SKAP2: variants seen among roughly 807,000 people sequenced by gnomAD.
The protein encoded by SKAP2 is src kinase associated phosphoprotein 2.
A neutral mutation model predicts 54.9 loss-of-function variants in SKAP2; 28 were observed. The observed-to-expected ratio is 0.51, with a 90% CI of 0.38 to 0.70. The LOEUF (loss-of-function observed/expected upper bound fraction) is 0.70, where lower values mean the gene tolerates loss of function less well. Among genes scored for constraint, SKAP2 ranks in the 30% least tolerant of loss-of-function variants. SKAP2 has a pLI of 0.00. For synonymous variants in SKAP2, 137 were observed against 134.3 expected (o/e 1.02, Z -0.14); for missense variants, 356 against 424.1 (o/e 0.84, Z 1.41).
At chr7:26,684,713 G>T in intron 11 of SKAP2, 23 bp downstream of exon 11, 5 of 1,458,554 alleles carry the variant, frequency 3.4e-6, no homozygotes, top group Non-Finnish European at 4.8e-6. Context: ...CTTTACAAAC[G>T]TCATTTTGGG....
chr7:26,762,460 T>C (rs1294047291), intron 4 of SKAP2, among the ~76,000 whole-genome samples: 1 of 152,164 alleles, frequency 6.6e-6, no homozygotes, highest in Admixed American at 6.5e-5. Context: ...GTAAAATGTA[T>C]GCATATGTAC....
intron 4 of SKAP2, among the ~76,000 whole-genome samples, chr7:26,793,313 T>A (rs1783707092): frequency 1.3e-5 from 2 of 152,338 alleles, no homozygotes; most frequent in South Asian, 4.1e-4. Context: ...GGCCCTTTCC[T>A]TAACCCTATG....
chr7:26,761,726 C>G lies in SKAP2; in HGVS notation c.308-21762G>C, dbSNP rs574018539. Among the ~76,000 whole-genome samples the G allele has an allele frequency of 1.2e-4, 18 of 152,230 alleles. No individual in the cohort carries two copies. The South Asian group carries it at 3.7e-3, about 32-fold the overall frequency. On this transcript the variant is annotated intron_variant, in intron 4 of 12. Transcript: ENST00000345317. Reference sequence around the variant, plus strand: ...CCGGCCTGGGCAACATGGGGAAACCCTGTCTCTACTAAAAATAGAAAAAAT... The same window carrying G: ...CCGGCCTGGGCAACATGGGGAAACCGTGTCTCTACTAAAAATAGAAAAAAT...
chr7:26,730,746 G>A lies in SKAP2; in HGVS notation c.470-3740C>T, dbSNP rs1022284878. Among the ~76,000 whole-genome samples, 5 of 152,106 alleles carry A rather than the reference G, an allele frequency of 3.3e-5. No individual in the cohort carries two copies. The South Asian group carries it at 1.0e-3, about 31-fold the overall frequency. On this transcript the variant is annotated intron_variant, in intron 6 of 12. Transcript: ENST00000345317. ...CTTAATTTTACACAATCCTAATTCA[G>A]CAGGTTCAAGGTAAAAAGCAGTTGG...
chr7:26,772,421 C>T (rs1475921347), intron 4 of SKAP2, among the ~76,000 whole-genome samples: 1 of 152,152 alleles, frequency 6.6e-6, no homozygotes, highest in Non-Finnish European at 1.5e-5. Context: ...CTCCTGTTCT[C>T]ATCTCTGTGT....
In SKAP2 at chr7:26,700,162, T is replaced by C. The variant is rs1027341903; in HGVS notation, c.797-9800A>G. ...AGCCCTAAGGTATTCATAAAATCAA[T>C]TAATTAGCACTCTTTGGACACAGCT... On this transcript the variant is annotated intron_variant, in intron 9 of 12. Transcript: ENST00000345317. 5.6e-4 allele frequency among the ~76,000 whole-genome samples: 86 copies of C among 152,304 alleles called. 1 individual carries two copies. Among genetic ancestry groups the C allele is most frequent in the Non-Finnish European group, 2.9e-5 (2 of 68,024 alleles).
At chr7:26,710,820 T>C (rs1787284510) in intron 9 of SKAP2, among the ~76,000 whole-genome samples, 1 of 152,172 alleles carries the variant, frequency 6.6e-6, no homozygotes, top group African/African-American at 2.4e-5. Context: ...GAAAAATTAT[T>C]AACCGGTTTA....
chr7:26,723,362 T>C (rs1787619864), intron 9 of SKAP2, among the ~76,000 whole-genome samples: 1 of 152,140 alleles, frequency 6.6e-6, no homozygotes, highest in African/African-American at 2.4e-5. Context: ...CACAGCTGCC[T>C]ACAACGGCTT....
intron 9 of SKAP2, among the ~76,000 whole-genome samples, chr7:26,693,264 G>A (rs1446863918): frequency 2.7e-5 from 4 of 150,870 alleles, no homozygotes; most frequent in East Asian, 2.0e-4. Context: ...CCTGGGAGGC[G>A]GAGGTTGCAA....
chr7:26,855,208 A>ATGGTGC, intron 1 of SKAP2: 1 of 172,308 alleles, frequency 5.8e-6, no homozygotes, highest in Non-Finnish European at 1.2e-5. Flanking sequence ...CATAAAACAA[A>ATGGTGC]TTCTTTATAT....
chr7:26,687,048 A>G (rs191574758), intron 10 of SKAP2, among the ~76,000 whole-genome samples: 2 of 152,046 alleles, frequency 1.3e-5, no homozygotes, highest in South Asian at 2.1e-4. Context: ...ATTCTCTTAC[A>G]ATAGTTTTTA....
intron 11 of SKAP2, among the ~76,000 whole-genome samples, chr7:26,682,734 T>C (rs1786531264): frequency 6.6e-6 from 1 of 152,210 alleles, no homozygotes; most frequent in Non-Finnish European, 1.5e-5. Flanking sequence ...AAGTATGTGC[T>C]TCCCATGGGC....
downstream of SKAP2, among the ~76,000 whole-genome samples, chr7:26,665,578 AAT>A (rs1357552930): frequency 6.6e-6 from 1 of 152,174 alleles, no homozygotes; most frequent in East Asian, 1.9e-4. Flanking sequence ...GGCAATAAAT[AAT>A]ATGTTTGTGT....
intron 4 of SKAP2, among the ~76,000 whole-genome samples, chr7:26,817,915 C>A (rs896612154): frequency 3.9e-5 from 6 of 152,212 alleles, no homozygotes; most frequent in Admixed American, 3.9e-4. Flanking sequence ...GAACTACAAA[C>A]CACTGCTCAA....
chr7:26,829,472 G>A (rs1784559708), intron 4 of SKAP2, among the ~76,000 whole-genome samples: 2 of 152,148 alleles, frequency 1.3e-5, no homozygotes, highest in South Asian at 4.1e-4. Flanking sequence ...GAGCCCAGGA[G>A]GTAGAGGCTA....
intron 11 of SKAP2, among the ~76,000 whole-genome samples, chr7:26,680,927 G>GA (rs3216228): frequency 9.4e-5 from 13 of 138,802 alleles, no homozygotes; most frequent in East Asian, 4.1e-4. Flanking sequence ...TGCACCAGAA[G>GA]AAAAAAAAAA....
intron 6 of SKAP2, among the ~76,000 whole-genome samples, chr7:26,731,838 C>T (rs1333306252): frequency 2.6e-5 from 4 of 152,184 alleles, no homozygotes; most frequent in Non-Finnish European, 4.4e-5. Flanking sequence ...TTACCCCCTA[C>T]ACTCCAATGC....
intron 11 of SKAP2, among the ~76,000 whole-genome samples, chr7:26,676,903 T>C (rs1786361288): frequency 6.6e-6 from 1 of 152,214 alleles, no homozygotes; most frequent in Non-Finnish European, 1.5e-5. Flanking sequence ...GAGCAATACA[T>C]GGCAGGCGTG....
intron 9 of SKAP2, among the ~76,000 whole-genome samples, chr7:26,725,034 G>C (rs1032363782): frequency 2.6e-5 from 4 of 152,030 alleles, no homozygotes; most frequent in Non-Finnish European, 5.9e-5. Context: ...GGTGTGCATA[G>C]AACTTCTGGT....
Sources: gnomAD v4.1 joint callset for allele counts (sites outside exome capture counted in the v4.1 genomes callset) on GRCh38, gnomAD v4.1.1 for gene constraint, MANE v1.5 for transcripts, NCBI Gene and HGNC (gene_info 2026-07-23, HGNC 2026-07-21) for gene names.